The following RPS6KC1 variants were observed in gnomAD, a reference collection of about 807,000 sequenced individuals.
The protein encoded by RPS6KC1 is ribosomal protein S6 kinase C1, also known as inactive ribosomal protein S6 kinase delta-1.
RPS6KC1 carries 54 observed loss-of-function variants against 103.8 expected under a neutral mutation model. That is an observed-to-expected ratio of 0.52 (90% CI 0.42 to 0.65). The LOEUF (loss-of-function observed/expected upper bound fraction) is 0.65. Ranked by LOEUF, RPS6KC1 falls within the 30% of genes least tolerant of loss-of-function variation. The pLI is 0.00. For missense variants in RPS6KC1, 1,151 were observed against 1,253.8 expected (o/e 0.92, Z 1.24); for synonymous variants, 439 against 438.7 (o/e 1.00, Z -0.01).
the RPS6KC1 span, among the ~76,000 whole-genome samples, chr1:213,353,302 A>C: frequency 6.6e-6 from 1 of 152,240 alleles, no homozygotes; most frequent in South Asian, 2.1e-4. Context: ...AAATAAGTAC[A>C]CCTATATTTC....
chr1:213,166,344 C>G (rs1318185504), intron 6 of RPS6KC1, among the ~76,000 whole-genome samples: 1 of 152,036 alleles, frequency 6.6e-6, no homozygotes, highest in Non-Finnish European at 1.5e-5. Flanking sequence ...AACCCTAAAC[C>G]AAAGGACTAG....
the RPS6KC1 span, among the ~76,000 whole-genome samples, chr1:213,329,819 C>G: frequency 2.6e-5 from 4 of 152,144 alleles, no homozygotes; most frequent in African/African-American, 9.7e-5. Context: ...CTATTGGGGT[C>G]TCACCGTTGG....
the RPS6KC1 span, among the ~76,000 whole-genome samples, chr1:213,638,947 C>G: frequency 1.3e-5 from 2 of 151,970 alleles, no homozygotes; most frequent in African/African-American, 2.4e-5. Flanking sequence ...TTAGGGAAAG[C>G]CAATATCTTT....
the RPS6KC1 span, among the ~76,000 whole-genome samples, chr1:213,358,122 T>G: frequency 1.3e-5 from 2 of 150,996 alleles, no homozygotes; most frequent in African/African-American, 4.8e-5. Context: ...CTGCCAGGCT[T>G]TGGTATCAGG....
intron 13 of RPS6KC1, among the ~76,000 whole-genome samples, chr1:213,262,245 T>G (rs544578763): frequency 6.6e-6 from 1 of 152,188 alleles, no homozygotes; most frequent in African/African-American, 2.4e-5. Flanking sequence ...TAAATAGTCA[T>G]CTACCTACGT....
At chr1:213,586,152 A>G in the RPS6KC1 span, among the ~76,000 whole-genome samples, 2 of 152,266 alleles carry the variant, frequency 1.3e-5, no homozygotes, top group East Asian at 3.9e-4. Flanking sequence ...ATGTCTGCCA[A>G]CACTCAACAT....
At chr1:213,728,965 T>TTTTTTTTTTTTTTTTTTTA in the RPS6KC1 span, among the ~76,000 whole-genome samples, 1 of 141,042 alleles carries the variant, frequency 7.1e-6, no homozygotes, top group African/African-American at 2.7e-5. Flanking sequence ...TTTTTTTTTT[T>TTTTTTTTTTTTTTTTTTTA]ACCAGTGGAC....
rs531844475 is a variant in RPS6KC1, at chr1:213,272,205, A to G, written c.3091-319A>G. Among the ~76,000 whole-genome samples the G allele has an allele frequency of 5.3e-5, 8 of 152,290 alleles. 1 individual carries two copies. The South Asian group carries it at 1.2e-3, about 24-fold the overall frequency. On this transcript the variant is annotated intron_variant, in intron 14 of 14. Transcript: ENST00000366960. ...TCTAGTGCAATATCTAATTAATGTC[A>G]TGGTGTACTTTTGGGGTAGGAAATT...
intron 4 of RPS6KC1, among the ~76,000 whole-genome samples, chr1:213,115,470 G>A (rs950472833): frequency 1.3e-4 from 20 of 152,088 alleles, no homozygotes; most frequent in African/African-American, 3.4e-4. Context: ...CTTGCTAGCT[G>A]TCTATCAGTT....
the RPS6KC1 span, among the ~76,000 whole-genome samples, chr1:213,604,492 G>T: frequency 1.3e-5 from 2 of 152,328 alleles, no homozygotes; most frequent in South Asian, 2.1e-4. Flanking sequence ...TTGTAACTGG[G>T]CTCCTGACTT....
At chr1:213,716,560 GA>G in the RPS6KC1 span, among the ~76,000 whole-genome samples, 9 of 152,126 alleles carry the variant, frequency 5.9e-5, no homozygotes, top group South Asian at 2.1e-4. Context: ...GTTTCAGGGG[GA>G]AAAAATCTTG....
chr1:213,680,410 C>T, the RPS6KC1 span, among the ~76,000 whole-genome samples: 2 of 152,170 alleles, frequency 1.3e-5, no homozygotes, highest in Non-Finnish European at 2.9e-5. Context: ...AACCTGAAAA[C>T]CTGCCAAATC....
At chr1:213,860,752 T>C in the RPS6KC1 span, among the ~76,000 whole-genome samples, 1 of 152,052 alleles carries the variant, frequency 6.6e-6, no homozygotes, top group South Asian at 2.1e-4. Context: ...AGCCAGAGCC[T>C]GGAGTCGCAT....
the RPS6KC1 span, among the ~76,000 whole-genome samples, chr1:213,317,563 A>G: frequency 5.9e-5 from 9 of 152,290 alleles, no homozygotes; most frequent in South Asian, 1.9e-3. Flanking sequence ...CCCATCTCCA[A>G]ATACAATCAC....
chr1:213,189,139 G>A (rs1427164664), intron 8 of RPS6KC1, among the ~76,000 whole-genome samples: 2 of 152,010 alleles, frequency 1.3e-5, no homozygotes, highest in Non-Finnish European at 2.9e-5. Flanking sequence ...GAGTAACTGG[G>A]TATTCTCTAG....
At chr1:213,629,567 C>T in the RPS6KC1 span, among the ~76,000 whole-genome samples, 3 of 152,086 alleles carry the variant, frequency 2.0e-5, no homozygotes, top group Admixed American at 6.5e-5. Flanking sequence ...TTAATTGGAG[C>T]ATTTAGCCCA....
chr1:213,428,480 CCCTTCCTTCCTT>C, the RPS6KC1 span, among the ~76,000 whole-genome samples: 782 of 28,444 alleles, frequency 0.027, 36 homozygotes, highest in African/African-American at 0.11. Context: ...CTCCCTCCCT[CCCTTCCTTCCTT>C]CCTTCCTTCC....
the RPS6KC1 span, among the ~76,000 whole-genome samples, chr1:213,375,718 C>T: frequency 6.6e-6 from 1 of 152,124 alleles, no homozygotes; most frequent in Middle Eastern, 3.2e-3. Flanking sequence ...TCTCATGCAC[C>T]CCAAGGGCAG....
the RPS6KC1 span, among the ~76,000 whole-genome samples, chr1:213,343,517 A>T: frequency 1.3e-5 from 2 of 149,326 alleles, no homozygotes; most frequent in African/African-American, 4.9e-5. Flanking sequence ...GGAATTGGAG[A>T]CTATTATCCT....
Sources: gnomAD v4.1 joint callset for allele counts (sites outside exome capture counted in the v4.1 genomes callset) on GRCh38, gnomAD v4.1.1 for gene constraint, MANE v1.5 for transcripts, NCBI Gene and HGNC (gene_info 2026-07-23, HGNC 2026-07-21) for gene names.